The following RERE variants were observed in gnomAD, a reference collection of about 807,000 sequenced individuals.
RERE encodes arginine-glutamic acid dipeptide repeats protein.
In RERE, 40 loss-of-function variants were observed where a neutral mutation model predicts 146.1. That is an observed-to-expected ratio of 0.27 (90% CI 0.21 to 0.36). RERE has a LOEUF of 0.36. RERE is among the 10% of genes least tolerant of loss of function. RERE has a pLI of 1.00. For missense variants in RERE, 1,933 were observed against 2,138.7 expected, an observed-to-expected ratio of 0.90 and a Z score of 1.90; for synonymous variants, 1,003 against 866.0, an observed-to-expected ratio of 1.16 and a Z score of -2.78.
intron 12 of RERE, among the ~76,000 whole-genome samples, chr1:8,367,633 T>C (rs1372013290): frequency 6.6e-6 from 1 of 152,214 alleles, no homozygotes; most frequent in Non-Finnish European, 1.5e-5. Flanking sequence ...CCTACACGTA[T>C]GTGCATGTGC....
chr1:8,749,922 C>T (rs1229005215), intron 1 of RERE, among the ~76,000 whole-genome samples: 7 of 152,036 alleles, frequency 4.6e-5, no homozygotes, highest in African/African-American at 1.5e-4. Context: ...GAGGCCAAGG[C>T]GAGTGGGTAA....
At chr1:8,673,792 G>T (rs895168877) in intron 1 of RERE, among the ~76,000 whole-genome samples, 1 of 152,170 alleles carries the variant, frequency 6.6e-6, no homozygotes, top group South Asian at 2.1e-4. Context: ...GCCTGTAATC[G>T]CAGCACTTTG....
chr1:8,398,916 T>C (rs1484345343), intron 12 of RERE, among the ~76,000 whole-genome samples: 2 of 152,192 alleles, frequency 1.3e-5, no homozygotes, highest in Non-Finnish European at 2.9e-5. Context: ...CAACCTCACT[T>C]CTACTTAGAA....
At chr1:8,384,140 T>C (rs761478610) in intron 12 of RERE, among the ~76,000 whole-genome samples, 5 of 152,186 alleles carry the variant, frequency 3.3e-5, no homozygotes, top group Non-Finnish European at 5.9e-5. Flanking sequence ...CAAAGCCTCC[T>C]TGGGTCCACT....
At chr1:8,789,301 A>AAAAAAAAAAAAAAAAAAAAAAATATATAT in intron 1 of RERE, among the ~76,000 whole-genome samples, 2 of 24,806 alleles carry the variant, frequency 8.1e-5, no homozygotes, top group Non-Finnish European at 1.3e-4. Flanking sequence ...AAAAAAAAAA[A>AAAAAAAAAAAAAAAAAAAAAAATATATAT]ATATATATAT....
At chr1:8,585,039 C>A (rs1390356780) in intron 4 of RERE, among the ~76,000 whole-genome samples, 1 of 150,944 alleles carries the variant, frequency 6.6e-6, no homozygotes, top group Non-Finnish European at 1.5e-5. Context: ...GTCCCAGCTA[C>A]TGGGAGGCTG....
chr1:8,639,543 G>T (rs1038428607), intron 2 of RERE, among the ~76,000 whole-genome samples: 2 of 152,158 alleles, frequency 1.3e-5, no homozygotes, highest in African/African-American at 2.4e-5. Context: ...CCATTGTCTA[G>T]TTAGAAACTG....
chr1:8,571,726 AAAC>A (rs1433251207), intron 4 of RERE, among the ~76,000 whole-genome samples: 3 of 152,226 alleles, frequency 2.0e-5, no homozygotes, highest in African/African-American at 7.2e-5. Context: ...TTTCTAATAC[AAAC>A]ATGCCCTGAT....
Position 8,361,846 on chromosome 1 carries a change from T to G in RERE, c.1933A>C (p.Lys645Gln), listed in dbSNP as rs1216092886. ...KVKEEASSPLKSNKRQREKVA... is the reference protein window; with the variant it reads ...KVKEEASSPLQSNKRQREKVA... ...TTCTCCCGCTGGCGTTTGTTACTCT[T>G]AAGAGGGGAAGAGGCTTCCTCCTTC... The change falls in exon 17 of 23, where the codon AAG becomes CAG. Residue 645 changes from lysine to glutamine, a missense_variant. This residue lies in a region of RERE where 1,255 missense variants were observed against 1,153.8 expected (regional missense o/e 1.09). Transcript: ENST00000400908. 6.2e-7 allele frequency: 1 copy of G among 1,614,002 alleles called. No homozygotes were observed. Among genetic ancestry groups the G allele is most frequent in the South Asian group, 1.1e-5 (1 of 91,078 alleles).
chr1:8,362,984 C>CAGGG, intron 15 of RERE, 140 bp from the exon 16 acceptor site: 3 of 888,338 alleles, frequency 3.4e-6, no homozygotes, highest in Non-Finnish European at 5.1e-6. Context: ...AAACAACAGG[C>CAGGG]CGCCCTGCCT....
intron 1 of RERE, among the ~76,000 whole-genome samples, chr1:8,670,985 G>A (rs1638702782): frequency 6.6e-6 from 1 of 152,136 alleles, no homozygotes; most frequent in Non-Finnish European, 1.5e-5. Flanking sequence ...TGAGAAAAAA[G>A]GAGGCCAAGG....
chr1:8,573,231 C>T (rs1646243822), intron 4 of RERE, among the ~76,000 whole-genome samples: 1 of 152,110 alleles, frequency 6.6e-6, no homozygotes, highest in East Asian at 1.9e-4. Flanking sequence ...AAAACATTAT[C>T]GAACCTAAAG....
intron 12 of RERE, among the ~76,000 whole-genome samples, chr1:8,388,194 T>A (rs759693875): frequency 1.3e-5 from 2 of 152,006 alleles, no homozygotes; most frequent in Non-Finnish European, 2.9e-5. Context: ...TGTGTAGCAA[T>A]ACACATATAT....
chr1:8,665,504 T>C (rs910413777), intron 1 of RERE, among the ~76,000 whole-genome samples: 16 of 152,158 alleles, frequency 1.1e-4, no homozygotes, highest in African/African-American at 3.9e-4. Context: ...GGAAAGAAAA[T>C]ATTTCATGAA....
chr1:8,627,968 A>T (rs1388532763), intron 2 of RERE, among the ~76,000 whole-genome samples: 1 of 152,190 alleles, frequency 6.6e-6, no homozygotes, highest in Non-Finnish European at 1.5e-5. Flanking sequence ...GCTGCCTCAC[A>T]CACCTGGCCT....
At chr1:8,711,019 T>C (rs1639656236) in intron 1 of RERE, among the ~76,000 whole-genome samples, 1 of 151,614 alleles carries the variant, frequency 6.6e-6, no homozygotes, top group Non-Finnish European at 1.5e-5. Context: ...TAGCTGGGCA[T>C]GGTGGCGCAT....
intron 8 of RERE, among the ~76,000 whole-genome samples, chr1:8,503,105 A>G (rs1645202157): frequency 6.6e-6 from 1 of 150,996 alleles, no homozygotes; most frequent in Non-Finnish European, 1.5e-5. Flanking sequence ...TAAATAAATA[A>G]ATAAATAAAT....
chr1:8,713,124 T>C (rs1186049532), intron 1 of RERE, among the ~76,000 whole-genome samples: 3 of 152,222 alleles, frequency 2.0e-5, no homozygotes, highest in Admixed American at 2.0e-4. Context: ...GGAACTAATT[T>C]AGTAACTGGA....
In RERE at chr1:8,432,408, G is replaced by A. The variant is rs148677498; in HGVS notation, c.1204-9601C>T. Among the ~76,000 whole-genome samples, 18 of 151,744 alleles carry A rather than the reference G, an allele frequency of 1.2e-4. No homozygotes were observed. In the East Asian group the frequency reaches 3.5e-3, roughly 30 times the overall value. On this transcript the variant is annotated intron_variant, in intron 11 of 22. Coordinates refer to ENST00000400908, the MANE Select transcript of RERE (RefSeq NM_001042681.2). Reference sequence around the variant, plus strand: ...ACACACTGTGCAAAGAGCACAGCACGAGGCACTGAGTGAACAAGGAGCACA... The same window carrying A: ...ACACACTGTGCAAAGAGCACAGCACAAGGCACTGAGTGAACAAGGAGCACA...
Sources: gnomAD v4.1 joint callset for allele counts (sites outside exome capture counted in the v4.1 genomes callset) on GRCh38, gnomAD v4.1.1 for gene constraint, gnomAD v4.1.1 regional missense constraint, MANE v1.5 for transcripts, NCBI Gene and HGNC (gene_info 2026-07-23, HGNC 2026-07-21) for gene names.